The following KHDRBS2 variants were observed in gnomAD, a reference collection of about 807,000 sequenced individuals.
KHDRBS2 encodes the protein KH RNA binding domain containing, signal transduction associated 2.
Under a neutral mutation model 44.3 loss-of-function variants are expected in KHDRBS2, and 26 were observed. The observed-to-expected ratio is 0.59, with a 90% CI of 0.43 to 0.81. KHDRBS2 has a LOEUF of 0.81. Among genes scored for constraint, KHDRBS2 ranks in the 40% least tolerant of loss-of-function variants. KHDRBS2 has a pLI of 0.00. For missense variants in KHDRBS2, 476 were observed against 433.1 expected (o/e 1.10, Z -0.88); for synonymous variants, 194 against 151.1 (o/e 1.28, Z -2.08).
rs534150697 is a variant in KHDRBS2 at position 61,979,011 on chromosome 6, C to T, written c.337-799G>A. ...GGAAGAGACTTTTCCTAGTATTGTG[C>T]CCAAGCCATTATTGAAACCTGGTTA... On this transcript the variant is annotated intron_variant, in intron 3 of 8. Transcript: ENST00000281156. Among the ~76,000 whole-genome samples the T allele has an allele frequency of 4.6e-5, 7 of 152,140 alleles. No individual in the cohort carries two copies. The East Asian group carries it at 1.4e-3, about 29-fold the overall frequency.
chr6:61,695,083 T>A (rs1767759761), intron 8 of KHDRBS2, among the ~76,000 whole-genome samples: 1 of 152,162 alleles, frequency 6.6e-6, no homozygotes, highest in Non-Finnish European at 1.5e-5. Flanking sequence ...GATAGCATTT[T>A]GAGAAATCCT....
chr6:61,741,053 G>A (rs1310110392), intron 6 of KHDRBS2, among the ~76,000 whole-genome samples: 3 of 151,742 alleles, frequency 2.0e-5, no homozygotes, highest in Admixed American at 6.6e-5. Context: ...TTTTGTACAG[G>A]AAGACCCCAT....
the KHDRBS2 span, among the ~76,000 whole-genome samples, chr6:61,544,550 C>A: frequency 2.0e-5 from 3 of 152,196 alleles, no homozygotes; most frequent in African/African-American, 7.2e-5. Context: ...CTAGGTTTAA[C>A]TGGGGAAAGT....
chr6:62,001,398 CA>C lies in KHDRBS2; in HGVS notation c.337-23187del, dbSNP rs149334970. ...ACAATCATTCATTTTTTTTTTTTTA[CA>C]TATTGGTGCTCTTCTTACTGTGACA... On this transcript the variant is annotated intron_variant, in intron 3 of 8. Transcript: ENST00000281156. Among the ~76,000 whole-genome samples the C allele has an allele frequency of 2.3e-3, 342 of 148,014 alleles. 5 individuals carry two copies. In the East Asian group the frequency reaches 0.044, roughly 19 times the overall value.
intron 6 of KHDRBS2, among the ~76,000 whole-genome samples, chr6:61,749,857 GA>G (rs796622116): frequency 7.2e-5 from 11 of 152,132 alleles, no homozygotes; most frequent in African/African-American, 1.7e-4. Flanking sequence ...TAACAAAAGG[GA>G]AAAAATCAGA....
rs954704992 is a variant in KHDRBS2 at position 61,741,785 on chromosome 6, T to C, written c.811-9021A>G. ...AGTGTCTTGTGATACCAGTAAGTCATTGCGGCTTCTAGAAGAAAATCATTT... is the reference window on the plus strand; with the variant it reads ...AGTGTCTTGTGATACCAGTAAGTCACTGCGGCTTCTAGAAGAAAATCATTT... On this transcript the variant is annotated intron_variant, in intron 6 of 8. Coordinates refer to ENST00000281156, the MANE Select transcript of KHDRBS2 (RefSeq NM_152688.4). Among the ~76,000 whole-genome samples the C allele has an allele frequency of 8.6e-5, 13 of 151,988 alleles. No homozygotes were observed. The East Asian group carries it at 2.3e-3, about 27-fold the overall frequency.
chr6:61,752,871 T>C (rs1169285873), intron 6 of KHDRBS2, among the ~76,000 whole-genome samples: 1 of 152,104 alleles, frequency 6.6e-6, no homozygotes, highest in Non-Finnish European at 1.5e-5. Flanking sequence ...GTAATTAATG[T>C]AGTCAGAGCA....
intron 6 of KHDRBS2, among the ~76,000 whole-genome samples, chr6:61,828,119 T>C (rs1271375108): frequency 6.6e-6 from 1 of 152,196 alleles, no homozygotes; most frequent in Non-Finnish European, 1.5e-5. Context: ...TGTTCAGACC[T>C]CTCTATCCTT....
chr6:61,588,380 A>T, the KHDRBS2 span, among the ~76,000 whole-genome samples: 1 of 152,182 alleles, frequency 6.6e-6, no homozygotes, highest in Non-Finnish European at 1.5e-5. Context: ...AATTTAAGAA[A>T]AATTAAAGTT....
chr6:61,697,415 T>G (rs761142801), intron 7 of KHDRBS2, among the ~76,000 whole-genome samples, 162 bp from the exon 8 acceptor site: 5 of 152,002 alleles, frequency 3.3e-5, no homozygotes, highest in Non-Finnish European at 5.9e-5. Flanking sequence ...AAAACACAGG[T>G]TATTGACAAG....
intron 8 of KHDRBS2, among the ~76,000 whole-genome samples, chr6:61,682,872 A>G (rs892160830): frequency 4.0e-5 from 6 of 151,894 alleles, no homozygotes; most frequent in African/African-American, 1.4e-4. Context: ...GGGAAAACAC[A>G]TTCAGTGTGT....
At chr6:61,626,973 G>A in the KHDRBS2 span, among the ~76,000 whole-genome samples, 1 of 151,998 alleles carries the variant, frequency 6.6e-6, no homozygotes, top group East Asian at 1.9e-4. Context: ...TTTGGCTGGG[G>A]CCGGGCGCGG....
the KHDRBS2 span, among the ~76,000 whole-genome samples, chr6:61,566,333 G>A: frequency 6.6e-5 from 10 of 152,102 alleles, no homozygotes; most frequent in East Asian, 1.7e-3. Flanking sequence ...TAGCACAATA[G>A]GAATGATTAT....
intron 1 of KHDRBS2, among the ~76,000 whole-genome samples, chr6:62,237,546 A>C (rs1169419079): frequency 6.6e-6 from 1 of 152,228 alleles, no homozygotes; most frequent in African/African-American, 2.4e-5. Context: ...GTGAAAGAGA[A>C]TAAATGTCTG....
At chr6:62,278,922 G>A (rs112583918) in intron 1 of KHDRBS2, among the ~76,000 whole-genome samples, 6 of 151,676 alleles carry the variant, frequency 4.0e-5, no homozygotes, top group Admixed American at 1.3e-4. Context: ...GTGAAACCCC[G>A]TCTCTACTAA....
chr6:62,182,774 C>T (rs1200741306), intron 1 of KHDRBS2, among the ~76,000 whole-genome samples: 3 of 151,790 alleles, frequency 2.0e-5, no homozygotes, highest in Non-Finnish European at 4.4e-5. Flanking sequence ...AATGTTTCTT[C>T]ATTTTGCTGA....
intron 6 of KHDRBS2, among the ~76,000 whole-genome samples, chr6:61,874,536 T>C (rs1272253947): frequency 2.6e-5 from 4 of 152,174 alleles, no homozygotes; most frequent in Non-Finnish European, 5.9e-5. Context: ...CTAGTCGGTA[T>C]TTGCTTGGAT....
intron 1 of KHDRBS2, among the ~76,000 whole-genome samples, chr6:62,230,589 A>G (rs1193448456): frequency 6.6e-6 from 1 of 152,210 alleles, no homozygotes; most frequent in Non-Finnish European, 1.5e-5. Flanking sequence ...AGTTGCGGAA[A>G]GTGATTACAA....
chr6:62,139,633 C>A (rs1447853590), intron 2 of KHDRBS2, among the ~76,000 whole-genome samples: 1 of 151,898 alleles, frequency 6.6e-6, no homozygotes, highest in Admixed American at 6.6e-5. Context: ...CTGTTTATTG[C>A]CCCATCTCTT....
Sources: allele counts gnomAD v4.1 joint callset (sites outside exome capture counted in the v4.1 genomes callset), GRCh38; gene constraint gnomAD v4.1.1; transcripts MANE v1.5; gene names NCBI Gene and HGNC (gene_info 2026-07-23, HGNC 2026-07-21).